RASA2: variants seen among roughly 807,000 people sequenced by gnomAD.
RASA2 encodes the protein RAS p21 protein activator 2.
Under a neutral mutation model 118.2 loss-of-function variants are expected in RASA2, and 155 were observed. The observed-to-expected ratio is 1.31, with a 90% CI of 1.15 to 1.50. The LOEUF (loss-of-function observed/expected upper bound fraction) is 1.50, where lower values mean the gene tolerates loss of function less well. RASA2 is among the 40% of genes most tolerant of loss of function. The pLI is 0.00. For missense variants in RASA2, 1,016 were observed against 1,009.6 expected (o/e 1.01, Z -0.09); for synonymous variants, 353 against 349.1 (o/e 1.01, Z -0.12).
chr3:141,560,051 A>G (rs1169133506), intron 9 of RASA2, 56 bp downstream of exon 9: 1 of 1,329,484 alleles, frequency 7.5e-7, no homozygotes, highest in Non-Finnish European at 1.1e-6. Context: ...AGTACAGTAT[A>G]TATATGCAAA....
chr3:141,552,189 A>T (rs2082585319), intron 5 of RASA2, among the ~76,000 whole-genome samples: 1 of 152,114 alleles, frequency 6.6e-6, no homozygotes, highest in Non-Finnish European at 1.5e-5. Flanking sequence ...GTTTTTTATA[A>T]GTCAGTACTG....
intron 17 of RASA2, among the ~76,000 whole-genome samples, chr3:141,583,979 C>A (rs2083156888): frequency 6.6e-6 from 1 of 151,598 alleles, no homozygotes; most frequent in Admixed American, 6.6e-5. Context: ...TCTTTAAGAA[C>A]AAGAATTGTT....
chr3:141,492,977 TAGAC>T (rs1423542853), intron 1 of RASA2, among the ~76,000 whole-genome samples: 1 of 152,154 alleles, frequency 6.6e-6, no homozygotes, highest in Non-Finnish European at 1.5e-5. Context: ...TCTGTATTCT[TAGAC>T]AATTATAGAA....
rs911493875 is a variant in RASA2 at position 141,573,157 on chromosome 3, C to T, written c.1295C>T (p.Ser432Phe). ...AAATTTATTTTTCAGATATGTGACT[C>T]CTCAAAATCCTGTGAAATCGATCCT... ...LKPILDEICD[S>F]SKSCEIDPIK... Residue 432 changes from serine (S) to phenylalanine (F), a missense_variant, in exon 13 of 24, where the codon TCC (serine) becomes TTC (phenylalanine). Physicochemically the swap from Ser to Phe is radical, Grantham distance 155. Coordinates refer to ENST00000286364, the MANE Select transcript of RASA2 (RefSeq NM_006506.5). The T allele has an allele frequency of 1.3e-6, 2 of 1,546,576 alleles. No individual in the cohort carries two copies. Among genetic ancestry groups the T allele is most frequent in the Non-Finnish European group, 8.7e-7 (1 of 1,155,794 alleles).
chr3:141,493,986 T>TAA (rs2081668546), intron 1 of RASA2, among the ~76,000 whole-genome samples: 1 of 152,200 alleles, frequency 6.6e-6, no homozygotes, highest in Non-Finnish European at 1.5e-5. Flanking sequence ...TTTTTCACAT[T>TAA]CACATAAAGA....
At chr3:141,551,260 TAAAC>T (rs2082571053) in intron 5 of RASA2, among the ~76,000 whole-genome samples, 1 of 152,212 alleles carries the variant, frequency 6.6e-6, no homozygotes, top group Non-Finnish European at 1.5e-5. Flanking sequence ...TAACTTTTGT[TAAAC>T]AGACAAGCAC....
In RASA2 at chr3:141,553,722, G is replaced by A. The variant is rs1045203738; in HGVS notation, c.528-135G>A. Reference sequence around the variant, plus strand: ...TATTACTACCTATTCCATATAGGTAGTATATAGCCATACAACTGCAGACAC... The same window carrying A: ...TATTACTACCTATTCCATATAGGTAATATATAGCCATACAACTGCAGACAC... On this transcript the variant is annotated intron_variant, in intron 5 of 23. Transcript: ENST00000286364. The A allele has an allele frequency of 2.1e-6, 3 of 1,427,396 alleles. No individual in the cohort carries two copies. In the African/African-American group the frequency reaches 4.3e-5, roughly 20 times the overall value. 88.4% of individuals were successfully genotyped at this position (1,427,396 alleles called of 1,614,324 possible).
intron 15 of RASA2, among the ~76,000 whole-genome samples, chr3:141,580,028 C>G (rs1277946790): frequency 7.6e-6 from 1 of 131,606 alleles, no homozygotes; most frequent in African/African-American, 3.0e-5. Context: ...TACACTCCAG[C>G]CTGGGCAACA....
intron 9 of RASA2, 62 bp downstream of exon 9, chr3:141,560,057 G>A (rs1181316531): frequency 3.2e-6 from 4 of 1,243,624 alleles, no homozygotes; most frequent in Non-Finnish European, 4.6e-6. Flanking sequence ...GTATATATAT[G>A]CAAATAAATG....
chr3:141,608,677 C>G lies in RASA2; in HGVS notation c.2205C>G (p.Leu735=). 2 of 1,613,608 alleles carry G rather than the reference C, an allele frequency of 1.2e-6. No individual in the cohort carries two copies. Among genetic ancestry groups the G allele is most frequent in the Non-Finnish European group, 1.7e-6 (2 of 1,179,612 alleles). ...GTCAGGAGACTGGTGAAAACACTCT[C>G]GGCTGCAAGCCATGTACTGCGTAAG... ...LCCQETGENT[L]GCKPCTAGVP... The change falls in exon 21 of 24, where the codon CTC becomes CTG. Residue 735 remains leucine, a synonymous_variant. Transcript: ENST00000286364.
chr3:141,560,424 A>C (rs1383332999), intron 9 of RASA2, among the ~76,000 whole-genome samples: 1 of 152,198 alleles, frequency 6.6e-6, no homozygotes, highest in Non-Finnish European at 1.5e-5. Context: ...GGAACTAACC[A>C]CTGTTCTTCC....
intron 20 of RASA2, 35 bp downstream of exon 20, chr3:141,607,795 A>G (rs747408419): frequency 6.5e-6 from 10 of 1,537,416 alleles, no homozygotes; most frequent in Admixed American, 2.1e-5. Flanking sequence ...AAGCTTTCTG[A>G]ACTGCATATA....
intron 17 of RASA2, among the ~76,000 whole-genome samples, chr3:141,585,145 T>C (rs1007324682): frequency 4.6e-5 from 7 of 152,200 alleles, no homozygotes. Flanking sequence ...CACAATCTTA[T>C]ATGTAAAATC....
chr3:141,588,491 A>T (rs959448911), intron 19 of RASA2, among the ~76,000 whole-genome samples: 1 of 152,204 alleles, frequency 6.6e-6, no homozygotes, highest in African/African-American at 2.4e-5. Context: ...AGAGTCTGTT[A>T]ATCTATCAAA....
chr3:141,495,537 A>G (rs575197720), intron 1 of RASA2, among the ~76,000 whole-genome samples: 2 of 152,372 alleles, frequency 1.3e-5, no homozygotes, highest in Admixed American at 6.5e-5. Flanking sequence ...ATTTTAAAAC[A>G]TCAATTTACA....
intron 1 of RASA2, among the ~76,000 whole-genome samples, chr3:141,496,494 A>C (rs2081704584): frequency 6.6e-6 from 1 of 152,266 alleles, no homozygotes; most frequent in African/African-American, 2.4e-5. Context: ...CCCATGAAAA[A>C]GTGGGTGAAG....
intron 4 of RASA2, among the ~76,000 whole-genome samples, chr3:141,534,058 A>G (rs1008045598): frequency 2.0e-5 from 3 of 152,096 alleles, no homozygotes; most frequent in Admixed American, 2.0e-4. Context: ...ATTCTTTCTC[A>G]ATATTCTTTG....
intron 1 of RASA2, among the ~76,000 whole-genome samples, chr3:141,494,741 T>A (rs1351519244): frequency 6.6e-6 from 1 of 152,216 alleles, no homozygotes; most frequent in Non-Finnish European, 1.5e-5. Flanking sequence ...TAAGAGCCTT[T>A]TTTTTTGATG....
intron 3 of RASA2, among the ~76,000 whole-genome samples, chr3:141,527,672 C>T (rs1334228082): frequency 6.6e-6 from 1 of 151,926 alleles, no homozygotes; most frequent in Admixed American, 6.6e-5. Context: ...TTAAGCCATT[C>T]CTGGTAATAT....
Sources: allele counts gnomAD v4.1 joint callset (sites outside exome capture counted in the v4.1 genomes callset), GRCh38; gene constraint gnomAD v4.1.1; transcripts MANE v1.5; gene names NCBI Gene and HGNC (gene_info 2026-07-23, HGNC 2026-07-21).